The following FRYL variants were observed in gnomAD, a reference collection of about 807,000 sequenced individuals.
FRYL encodes FRY like transcription coactivator.
Under a neutral mutation model 351.2 loss-of-function variants are expected in FRYL, and 150 were observed. That is an observed-to-expected ratio of 0.43 (90% CI 0.37 to 0.49). FRYL has a LOEUF of 0.49. Among genes scored for constraint, FRYL ranks in the 20% least tolerant of loss-of-function variants. The pLI is 0.00. For missense variants in FRYL, 3,036 were observed against 3,619.3 expected (o/e 0.84, Z 4.13); for synonymous variants, 1,153 against 1,257.1 (o/e 0.92, Z 1.75).
intron 4 of FRYL, among the ~76,000 whole-genome samples, chr4:48,629,144 T>C (rs183412443): frequency 3.6e-4 from 55 of 152,004 alleles, no homozygotes; most frequent in African/African-American, 1.3e-3. Context: ...TAATTCTACA[T>C]ATAGTGCATA....
intron 4 of FRYL, among the ~76,000 whole-genome samples, chr4:48,632,091 A>AAAAATAT (rs1560753205): frequency 4.3e-5 from 1 of 23,396 alleles, no homozygotes; most frequent in African/African-American, 1.0e-4. Flanking sequence ...AAAAAAAAAA[A>AAAAATAT]ATATATATAT....
At chr4:48,605,513 C>T (rs1746601578) in intron 11 of FRYL, among the ~76,000 whole-genome samples, 2 of 152,050 alleles carry the variant, frequency 1.3e-5, no homozygotes, top group Non-Finnish European at 2.9e-5. Flanking sequence ...CTGGATTTCC[C>T]CTACCATCTG....
At chr4:48,743,045 C>T (rs1772291240) in intron 1 of FRYL, among the ~76,000 whole-genome samples, 1 of 137,958 alleles carries the variant, frequency 7.2e-6, no homozygotes, top group Non-Finnish European at 1.5e-5. Flanking sequence ...TCTTGAACTC[C>T]TGACCTCAAG....
chr4:48,703,888 TAATA>T (rs1428286218), intron 2 of FRYL, among the ~76,000 whole-genome samples: 6 of 152,176 alleles, frequency 3.9e-5, no homozygotes, highest in African/African-American at 9.6e-5. Flanking sequence ...AATGAATAAA[TAATA>T]AATAAAGTCA....
At chr4:48,673,379 G>A (rs1363079846) in intron 3 of FRYL, among the ~76,000 whole-genome samples, 1 of 152,042 alleles carries the variant, frequency 6.6e-6, no homozygotes, top group African/African-American at 2.4e-5. Context: ...AGATACACTA[G>A]TCTTTATTTT....
In FRYL at chr4:48,632,106, A is replaced by ATATGTATATG. The variant is rs1553957648; in HGVS notation, c.120+2184_120+2185insCATATACATA. Among the ~76,000 whole-genome samples the ATATGTATATG allele has an allele frequency of 6.9e-4, 40 of 58,186 alleles. 1 individual carries two copies. Among genetic ancestry groups the ATATGTATATG allele is most frequent in the Non-Finnish European group, 9.5e-4 (26 of 27,276 alleles). 38.2% of individuals were successfully genotyped at this position (58,186 alleles called of 152,430 possible). On this transcript the variant is annotated intron_variant, in intron 4 of 63. Coordinates refer to ENST00000358350, the MANE Select transcript of FRYL (RefSeq NM_015030.2). The stretch of plus-strand genomic sequence containing the variant: ...AAAAAAAAAAAATATATATATATAT[A>ATATGTATATG]TATATATATATATATATATATATGC...
At position 48,521,190 on chromosome 4, in the gene FRYL, T is replaced by C; in HGVS notation, c.7547A>G (p.Glu2516Gly). The C allele has an allele frequency of 6.2e-7, 1 of 1,609,742 alleles. No individual in the cohort carries two copies. The highest frequency in any genetic ancestry group is 1.1e-5 in the South Asian group (1 of 89,958). ...QMLNSDSATD[E>G]TIPDHPDLLL... ...TAAGTCAGGATGGTCTGGTATTGTT[T>C]CATCAGTGGCAGAATCACTGTTTAA... The change falls in exon 55 of 64, where the codon GAA becomes GGA. Residue 2516 changes from glutamate (E) to glycine (G), a missense_variant. By Grantham distance (98) the Glu-to-Gly change is moderately conservative (BLOSUM62 -2). This residue lies in a region of FRYL where 1,987 missense variants were observed against 2,311.7 expected (regional missense o/e 0.86). Coordinates refer to ENST00000358350, the MANE Select transcript of FRYL (RefSeq NM_015030.2).
chr4:48,516,188 C>T lies in FRYL; in HGVS notation c.7690-913G>A, dbSNP rs150318800. Among the ~76,000 whole-genome samples the T allele has an allele frequency of 2.9e-3, 447 of 152,288 alleles. 8 individuals carry two copies. The highest frequency in any genetic ancestry group is 0.026 in the Admixed American group (399 of 15,290). On this transcript the variant is annotated intron_variant, in intron 55 of 63. Transcript: ENST00000358350. ...TATACTTTTGAAAATTAAACTATCA[C>T]AAGCTCATTATCAAAAAAGACTATA... is the stretch of plus-strand genomic sequence containing the variant.
chr4:48,586,440 G>A (rs1742127081), intron 19 of FRYL, among the ~76,000 whole-genome samples, 181 bp downstream of exon 19: 1 of 151,950 alleles, frequency 6.6e-6, no homozygotes, highest in African/African-American at 2.4e-5. Flanking sequence ...AAAAATCAGT[G>A]AGGAAAATGT....
chr4:48,653,733 T>G, intron 3 of FRYL: 1 of 1,290,962 alleles, frequency 7.7e-7, no homozygotes, highest in Non-Finnish European at 1.0e-6. Context: ...TCCAGGACTT[T>G]AACAAGGACT....
intron 1 of FRYL, among the ~76,000 whole-genome samples, chr4:48,743,925 T>C (rs1275563262): frequency 1.3e-5 from 1 of 74,870 alleles, no homozygotes; most frequent in East Asian, 4.0e-4. Context: ...TTTAACAATT[T>C]AACAACTCTC....
At chr4:48,732,909 G>T (rs4694901) in intron 1 of FRYL, among the ~76,000 whole-genome samples, 145,496 of 150,436 alleles carry the variant, frequency 0.97, 70,568 homozygotes, top group East Asian at 1. Context: ...ATGTAACCCA[G>T]AATTTGAAGT....
At chr4:48,645,440 C>T (rs1371347018) in intron 3 of FRYL, among the ~76,000 whole-genome samples, 3 of 152,016 alleles carry the variant, frequency 2.0e-5, no homozygotes, top group Non-Finnish European at 4.4e-5. Flanking sequence ...CATTAATATC[C>T]ACTTGGCATA....
At chr4:48,558,472 A>G (rs1268889763) in intron 33 of FRYL, among the ~76,000 whole-genome samples, 2 of 152,234 alleles carry the variant, frequency 1.3e-5, no homozygotes, top group East Asian at 3.8e-4. Flanking sequence ...GTGGGTATAG[A>G]CTTTTCAGTT....
At chr4:48,717,666 G>C (rs746661379) in intron 1 of FRYL, among the ~76,000 whole-genome samples, 19 of 151,368 alleles carry the variant, frequency 1.3e-4, no homozygotes, top group Non-Finnish European at 2.5e-4. Flanking sequence ...TCAGCCTCCA[G>C]GGTACCTAGA....
At chr4:48,539,946 AC>A in intron 47 of FRYL, 24 bp downstream of exon 47, 1 of 1,516,744 alleles carries the variant, frequency 6.6e-7, no homozygotes, top group Non-Finnish European at 9.1e-7. Context: ...CTATAGTGTT[AC>A]CTTTCAGCAT....
At chr4:48,646,697 C>T (rs1756547650) in intron 3 of FRYL, among the ~76,000 whole-genome samples, 1 of 152,138 alleles carries the variant, frequency 6.6e-6, no homozygotes, top group African/African-American at 2.4e-5. Context: ...GCTATGCCTA[C>T]AATAGGCAAG....
chr4:48,561,869 A>C (rs1162924390), intron 32 of FRYL, among the ~76,000 whole-genome samples: 1 of 152,112 alleles, frequency 6.6e-6, no homozygotes. Flanking sequence ...TTAAAAAATT[A>C]GCCAGATGTG....
intron 1 of FRYL, among the ~76,000 whole-genome samples, chr4:48,772,108 C>T (rs1416560287): frequency 2.0e-5 from 3 of 152,230 alleles, no homozygotes; most frequent in East Asian, 3.9e-4. Context: ...CTATTGACTA[C>T]TTAATAAGTA....
Sources: gnomAD v4.1 joint callset for allele counts (sites outside exome capture counted in the v4.1 genomes callset) on GRCh38, gnomAD v4.1.1 for gene constraint, gnomAD v4.1.1 regional missense constraint, MANE v1.5 for transcripts, NCBI Gene and HGNC (gene_info 2026-07-23, HGNC 2026-07-21) for gene names.